Variants in PCDHGA9 observed in about 807,000 individuals in gnomAD.
PCDHGA9 encodes the protein protocadherin gamma subfamily A, 9, also known as protocadherin gamma-A9.
Under a neutral mutation model 62.5 loss-of-function variants are expected in PCDHGA9, and 37 were observed. The observed-to-expected ratio is 0.59, with a 90% CI of 0.46 to 0.78. The LOEUF (loss-of-function observed/expected upper bound fraction) is 0.78. Among genes scored for constraint, PCDHGA9 ranks in the 30% least tolerant of loss-of-function variants. The pLI is 0.00. For synonymous variants in PCDHGA9, 459 were observed against 484.6 expected, an observed-to-expected ratio of 0.95 and a Z score of 0.69; for missense variants, 1,138 against 1,166.2, an observed-to-expected ratio of 0.98 and a Z score of 0.35.
chr5:141,459,617 A>G (rs900986636), intron 1 of PCDHGA9, among the ~76,000 whole-genome samples: 2 of 152,258 alleles, frequency 1.3e-5, no homozygotes, highest in African/African-American at 2.4e-5. Flanking sequence ...GCTTAACTTT[A>G]TAAGAAGCTG....
At position 141,431,684 on chromosome 5, in the gene PCDHGA9, C is replaced by A. The variant is rs1017231854; in HGVS notation, c.2424+26308C>A. On this transcript the variant is annotated intron_variant, in intron 1 of 3. Transcript: ENST00000573521. This position sits in a 1 kb window ranked among gnomAD's most constrained non-coding sequence, Gnocchi z 4.8. Reference sequence around the variant, plus strand: ...AATATCAACAATAGGGGAGTTGGACCACGAGGAGTCAGGATTCTACCAGAT... The same window carrying A: ...AATATCAACAATAGGGGAGTTGGACAACGAGGAGTCAGGATTCTACCAGAT... The A allele has an allele frequency of 1.9e-6, 3 of 1,614,186 alleles. No homozygotes were observed. Among genetic ancestry groups the A allele is most frequent in the Admixed American group, 1.7e-5 (1 of 60,032 alleles).
intron 1 of PCDHGA9, among the ~76,000 whole-genome samples, chr5:141,435,150 C>G (rs1256233613): frequency 6.6e-6 from 1 of 152,006 alleles, no homozygotes; most frequent in Non-Finnish European, 1.5e-5. Context: ...TTGTGATAAA[C>G]TTTTGTAAAT....
Position 141,489,454 on chromosome 5 carries a change from G to C in PCDHGA9, c.2425-5353G>C, listed in dbSNP as rs1177748773. 1 of 1,613,940 alleles carries C rather than the reference G, an allele frequency of 6.2e-7. No homozygotes were observed. The highest frequency in any genetic ancestry group is 1.3e-5 in the African/African-American group (1 of 74,906). On this transcript the variant is annotated intron_variant, in intron 1 of 3. Transcript: ENST00000573521. This position sits in a 1 kb window ranked among gnomAD's most constrained non-coding sequence, Gnocchi z 4.5. ...GCTGCAATTGGGCTCTGAGGAGAAT[G>C]GGCGCTATTTTTCCCTGAGCTTGAT...
chr5:141,507,861 C>G (rs538942097), intron 3 of PCDHGA9, among the ~76,000 whole-genome samples: 6 of 152,306 alleles, frequency 3.9e-5, no homozygotes, highest in South Asian at 4.1e-4. Flanking sequence ...CTTTCACACC[C>G]GCTTCCTAGC....
At position 141,490,753 on chromosome 5, in the gene PCDHGA9, T is replaced by C; in HGVS notation, c.2425-4054T>C. ...TCAGGTTCAGGGAGCCCCAGCCTCC[T>C]CCTTTGTGTATGTCAACCCAGAGGA... On this transcript the variant is annotated intron_variant, in intron 1 of 3. Transcript: ENST00000573521. This position sits in a 1 kb window ranked among gnomAD's most constrained non-coding sequence, Gnocchi z 5.4. 1 of 1,614,184 alleles carries C rather than the reference T, an allele frequency of 6.2e-7. No individual in the cohort carries two copies. The highest frequency in any genetic ancestry group is 8.5e-7 in the Non-Finnish European group (1 of 1,180,024).
At chr5:141,421,889 C>T (rs1280668349) in intron 1 of PCDHGA9, 5 of 1,613,574 alleles carry the variant, frequency 3.1e-6, no homozygotes, top group African/African-American at 1.3e-5. Flanking sequence ...GGAGGCGATC[C>T]CATCCGAAAG....
chr5:141,423,923 G>A (rs2096790975), intron 1 of PCDHGA9: 2 of 1,254,626 alleles, frequency 1.6e-6, no homozygotes, highest in African/African-American at 1.6e-5. Flanking sequence ...CAACTATGCT[G>A]GTTTGGTTTG....
chr5:141,430,580 G>A, intron 1 of PCDHGA9: 1 of 478,526 alleles, frequency 2.1e-6, no homozygotes, highest in Admixed American at 3.8e-5. Context: ...CGGAGATCCT[G>A]CTCGCCTTGC....
Position 141,405,033 on chromosome 5 carries a change from T to TTGTGGC in PCDHGA9, c.2088_2093dup (p.Ala698_Val699dup). 1 of 1,613,962 alleles carries TTGTGGC rather than the reference T, an allele frequency of 6.2e-7. No homozygotes were observed. Among genetic ancestry groups the TTGTGGC allele is most frequent in the Non-Finnish European group, 8.5e-7 (1 of 1,179,870 alleles). On this transcript the variant is annotated inframe_insertion, in exon 1 of 4. Transcript: ENST00000573521. ...GCCTCAGACCTTACCCTCTACCTCG[T>TTGTGGC]TGTGGCTGTGGCAGTCGTCTCCTGT...
At chr5:141,445,508 T>C (rs2098468947) in intron 1 of PCDHGA9, among the ~76,000 whole-genome samples, 1 of 152,200 alleles carries the variant, frequency 6.6e-6, no homozygotes, top group Non-Finnish European at 1.5e-5. Context: ...TAATACATGA[T>C]ATTTTACAGG....
rs560733170 is a variant in PCDHGA9, at chr5:141,503,895, A to G, written c.2484-1498A>G. ...TTGTGCTCACCCACCATGACAAAATATGCACACACACAACGCAACACACAC... is the reference window on the plus strand; with the variant it reads ...TTGTGCTCACCCACCATGACAAAATGTGCACACACACAACGCAACACACAC... On this transcript the variant is annotated intron_variant, in intron 2 of 3. Transcript: ENST00000573521. Among the ~76,000 whole-genome samples, 12 of 152,302 alleles carry G rather than the reference A, an allele frequency of 7.9e-5. No individual in the cohort carries two copies. The South Asian group carries it at 2.1e-3, about 26-fold the overall frequency.
chr5:141,408,849 A>G (rs764977493), intron 1 of PCDHGA9: 1 of 1,613,610 alleles, frequency 6.2e-7, no homozygotes, highest in South Asian at 1.1e-5. Context: ...ACTGCCTTGG[A>G]CGGAGGGGAC....
In PCDHGA9 at chr5:141,405,339, A is replaced by T. The variant is rs980651625; in HGVS notation, c.2387A>T (p.Asp796Val). 7.4e-6 allele frequency: 12 copies of T among 1,614,060 alleles called. No homozygotes were observed. The highest frequency in any genetic ancestry group is 1.0e-5 in the Non-Finnish European group (12 of 1,180,034). The change falls in exon 1 of 4, where the codon GAT becomes GTT. Residue 796 changes from aspartate to valine, a missense_variant. Coordinates refer to ENST00000573521, the MANE Select transcript of PCDHGA9 (RefSeq NM_018921.3). Reference sequence around the variant, plus strand: ...AATGAGCCTTTGTGCGTCTCTGTTGATTCCAAGTTTCCTATAGAAGACACC... The same window carrying T: ...AATGAGCCTTTGTGCGTCTCTGTTGTTTCCAAGTTTCCTATAGAAGACACC... ...EKNEPLCVSV[D>V]SKFPIEDTPL...
chr5:141,403,607 G>T lies in PCDHGA9; in HGVS notation c.655G>T (p.Glu219Ter). ...HLVLTASDGG[E>*]PRRSSTVRIH... ...GGTCCTCACGGCCTCGGATGGCGGCGAGCCGCGTCGCTCCAGCACAGTGCG... is the reference window on the plus strand; with the variant it reads ...GGTCCTCACGGCCTCGGATGGCGGCTAGCCGCGTCGCTCCAGCACAGTGCG... Residue 219 changes from glutamate to a stop codon, truncating the protein, a stop_gained, in exon 1 of 4, where the codon GAG becomes TAG. Coordinates refer to ENST00000573521, the MANE Select transcript of PCDHGA9 (RefSeq NM_018921.3). LOFTEE classifies it high-confidence loss of function. 1 of 1,613,858 alleles carries T rather than the reference G, an allele frequency of 6.2e-7. No individual in the cohort carries two copies. Among genetic ancestry groups the T allele is most frequent in the Non-Finnish European group, 8.5e-7 (1 of 1,179,882 alleles).
chr5:141,471,046 C>CTTTT (rs1170588345), intron 1 of PCDHGA9, among the ~76,000 whole-genome samples: 3 of 113,278 alleles, frequency 2.6e-5, no homozygotes, highest in African/African-American at 7.1e-5. Flanking sequence ...CCCAAGCCCT[C>CTTTT]TTTTTTTTTT....
chr5:141,424,026 C>G, intron 1 of PCDHGA9: 1 of 1,041,918 alleles, frequency 9.6e-7, no homozygotes, highest in Non-Finnish European at 1.2e-6. Context: ...TTCACAAACA[C>G]TTTTTATTTC....
chr5:141,430,383 G>GAAA (rs139772145), intron 1 of PCDHGA9, among the ~76,000 whole-genome samples: 2 of 138,566 alleles, frequency 1.4e-5, no homozygotes, highest in South Asian at 4.6e-4. Flanking sequence ...AGCTCATTGG[G>GAAA]AAAAAAAAAA....
In PCDHGA9 at chr5:141,477,787, C is replaced by A; in HGVS notation, c.2425-17020C>A. The stretch of plus-strand genomic sequence containing the variant: ...CCAACATCAGCGTGAACATATTTGT[C>A]ACTGATCGCAATGACAATGCCCCCC... On this transcript the variant is annotated intron_variant, in intron 1 of 3. Transcript: ENST00000573521. The surrounding 1 kb of genome is among the most constrained non-coding windows in gnomAD (Gnocchi z 4.9). The A allele has an allele frequency of 6.2e-7, 1 of 1,614,092 alleles. No homozygotes were observed. The highest frequency in any genetic ancestry group is 8.5e-7 in the Non-Finnish European group (1 of 1,180,034).
At chr5:141,419,299 C>T in intron 1 of PCDHGA9, 12 of 1,614,048 alleles carry the variant, frequency 7.4e-6, no homozygotes, top group Non-Finnish European at 1.0e-5. Flanking sequence ...CTGACCCAGA[C>T]TTCGGGCTCA....
Sources: allele counts gnomAD v4.1 joint callset (sites outside exome capture counted in the v4.1 genomes callset), GRCh38; gene constraint gnomAD v4.1.1; non-coding constraint Gnocchi (gnomAD v3.1); transcripts MANE v1.5; gene names NCBI Gene and HGNC (gene_info 2026-07-23, HGNC 2026-07-21).